Variants in DDHD1 observed in about 807,000 individuals in gnomAD.
The protein encoded by DDHD1 is phospholipase DDHD1.
In DDHD1, 49 loss-of-function variants were observed where a neutral mutation model predicts 96.4. That is an observed-to-expected ratio of 0.51 (90% CI 0.40 to 0.64). The LOEUF is 0.64. DDHD1 is among the 30% of genes least tolerant of loss of function. The pLI, the probability that DDHD1 is intolerant of heterozygous loss-of-function variation, is 0.00. For synonymous variants in DDHD1, 442 were observed against 446.5 expected, an observed-to-expected ratio of 0.99 and a Z score of 0.13; for missense variants, 1,106 against 1,161.2, an observed-to-expected ratio of 0.95 and a Z score of 0.69.
Position 53,098,415 on chromosome 14 carries a change from A to C in DDHD1, c.1013-4971T>G, listed in dbSNP as rs539333549. On this transcript the variant is annotated intron_variant, in intron 2 of 12. Coordinates refer to ENST00000673822, the MANE Select transcript of DDHD1 (RefSeq NM_001160148.2). Reference sequence around the variant, plus strand: ...TCACAAAAGAGGGTTACTGCTGCTGATGACATACTAATTCCTACAACAGAA... The same window carrying C: ...TCACAAAAGAGGGTTACTGCTGCTGCTGACATACTAATTCCTACAACAGAA... 7.9e-5 allele frequency among the ~76,000 whole-genome samples: 12 copies of C among 152,148 alleles called. No individual in the cohort carries two copies. In the East Asian group the frequency reaches 9.6e-4, roughly 12 times the overall value.
chr14:53,090,986 C>T (rs1353182870), intron 4 of DDHD1, among the ~76,000 whole-genome samples: 25 of 152,212 alleles, frequency 1.6e-4, no homozygotes, highest in Admixed American at 1.6e-3. Context: ...AGAGGTGTTG[C>T]TGAGGACATA....
chr14:53,045,394 G>A lies in DDHD1; in HGVS notation c.*1374C>T, dbSNP rs1881938641. On this transcript the variant is annotated 3_prime_UTR_variant, in exon 13 of 13. Transcript: ENST00000673822. ...ACACCACTACAAGTGGCTAATTTTT[G>A]TCAGTTTTTGCAGAGAAGAGGGTCT... 6.6e-6 allele frequency: 1 copy of A among 152,024 alleles called. No homozygotes were observed. The highest frequency in any genetic ancestry group is 1.9e-4 in the East Asian group (1 of 5,172). 9.4% of individuals were successfully genotyped at this position (152,024 alleles called of 1,614,324 possible).
At chr14:53,108,284 G>C (rs965819888) in intron 1 of DDHD1, among the ~76,000 whole-genome samples, 2 of 152,162 alleles carry the variant, frequency 1.3e-5, no homozygotes, top group African/African-American at 4.8e-5. Flanking sequence ...CTAAGTGCCC[G>C]GGTTCATCCT....
intron 1 of DDHD1, among the ~76,000 whole-genome samples, chr14:53,109,467 C>T (rs1298661274): frequency 1.3e-5 from 2 of 152,174 alleles, no homozygotes; most frequent in Non-Finnish European, 1.5e-5. Context: ...TTTGTAGCAG[C>T]AACAGGAACC....
intron 4 of DDHD1, 24 bp downstream of exon 4, chr14:53,091,761 C>G (rs368943274): frequency 3.1e-6 from 5 of 1,608,684 alleles, no homozygotes; most frequent in Non-Finnish European, 4.2e-6. Context: ...ATTAGATATA[C>G]AATGCATTCA....
In DDHD1 at chr14:53,117,622, T is replaced by C. The variant is rs117081084; in HGVS notation, c.839-13766A>G. On this transcript the variant is annotated intron_variant, in intron 1 of 12. Coordinates refer to ENST00000673822, the MANE Select transcript of DDHD1 (RefSeq NM_001160148.2). ...GCATCTGCCATTGCTGGGGCTTAAGTAGCTCACAGTGTAAACAAAGAGGCC... is the reference window on the plus strand; with the variant it reads ...GCATCTGCCATTGCTGGGGCTTAAGCAGCTCACAGTGTAAACAAAGAGGCC... Among the ~76,000 whole-genome samples the C allele has an allele frequency of 8.1e-3, 1,228 of 152,112 alleles. 4 individuals carry two copies. Among genetic ancestry groups the C allele is most frequent in the Non-Finnish European group, 0.011 (729 of 67,910 alleles).
rs541998903 is a variant in DDHD1, at chr14:53,045,870, A to T, written c.*898T>A. 5.8e-4 allele frequency: 89 copies of T among 152,340 alleles called. No individual in the cohort carries two copies. The highest frequency in any genetic ancestry group is 2.0e-3 in the African/African-American group (84 of 41,588). The allele number at this position is 152,340 out of a possible 1,614,324, so 9.4% of individuals were successfully genotyped here. A position where few individuals can be genotyped will look rare whatever the true frequency, so the allele number is the denominator to read the frequency against. ...TGTTTATACATTTAAAATAGCTGTC[A>T]TACTACCTATTCAAAAGCATTTACT... On this transcript the variant is annotated 3_prime_UTR_variant, in exon 13 of 13. Coordinates refer to ENST00000673822, the MANE Select transcript of DDHD1 (RefSeq NM_001160148.2).
chr14:53,051,785 G>T, intron 12 of DDHD1, 59 bp downstream of exon 12: 2 of 1,370,112 alleles, frequency 1.5e-6, no homozygotes, highest in Non-Finnish European at 2.0e-6. Flanking sequence ...ATAAGCAGAA[G>T]AACTCTAAGT....
At chr14:53,092,164 G>A in intron 3 of DDHD1, 15 of 327,128 alleles carry the variant, frequency 4.6e-5, no homozygotes, top group South Asian at 1.4e-4. Flanking sequence ...AAGGAAAGAA[G>A]GACAAACTGA....
chr14:53,153,112 C>T lies in DDHD1; in HGVS notation c.-14G>A. The T allele has an allele frequency of 7.3e-7, 1 of 1,378,806 alleles. No individual in the cohort carries two copies. The highest frequency in any genetic ancestry group is 1.7e-5 in the South Asian group (1 of 59,350). 85.4% of individuals were successfully genotyped at this position (1,378,806 alleles called of 1,614,324 possible). A position where few individuals can be genotyped will look rare whatever the true frequency, so the allele number is the denominator to read the frequency against. ...CGGGTAATTCATGCTGTGGAGACGC[C>T]GCCGGCTGTCCGGCGGCGCGCGGAG... On this transcript the variant is annotated 5_prime_UTR_variant, in exon 1 of 13. Transcript: ENST00000673822.
At position 53,152,902 on chromosome 14, in the gene DDHD1, T is replaced by G; in HGVS notation, c.197A>C (p.His66Pro). Residue 66 changes from histidine to proline, a missense_variant, in exon 1 of 13, where the codon CAT (histidine) becomes CCT (proline). By Grantham distance (77) the His-to-Pro change is moderately conservative. Transcript: ENST00000673822. ...GTGGTCGTCGGTGCCCGGCGCCAAA[T>G]GCAGCCCGGGTTCCCCGCGCAGCAG... is the stretch of plus-strand genomic sequence containing the variant. ...LALLRGEPGL[H>P]LAPGTDDHNH... 1 of 1,608,374 alleles carries G rather than the reference T, an allele frequency of 6.2e-7. No homozygotes were observed. Among genetic ancestry groups the G allele is most frequent in the Non-Finnish European group, 8.5e-7 (1 of 1,177,786 alleles).
chr14:53,041,496 G>A lies in DDHD1; in HGVS notation c.*5272C>T, dbSNP rs1881646710. The A allele has an allele frequency of 1.3e-5, 2 of 152,086 alleles. No homozygotes were observed. The highest frequency in any genetic ancestry group is 4.8e-5 in the African/African-American group (2 of 41,394). 9.4% of individuals were successfully genotyped at this position (152,086 alleles called of 1,614,324 possible). A position where few individuals can be genotyped will look rare whatever the true frequency, so the allele number is the denominator to read the frequency against. ...TTAAATTTCTGAGTTAACCTATGTTGGAACAGTTTTGGAGGTGACCTATTT... is the reference window on the plus strand; with the variant it reads ...TTAAATTTCTGAGTTAACCTATGTTAGAACAGTTTTGGAGGTGACCTATTT... On this transcript the variant is annotated 3_prime_UTR_variant, in exon 13 of 13. Coordinates refer to ENST00000673822, the MANE Select transcript of DDHD1 (RefSeq NM_001160148.2).
At position 53,133,981 on chromosome 14, in the gene DDHD1, C is replaced by T. The variant is rs866609465; in HGVS notation, c.838+18280G>A. Among the ~76,000 whole-genome samples the T allele has an allele frequency of 3.9e-5, 6 of 152,300 alleles. No individual in the cohort carries two copies. The South Asian group carries it at 6.2e-4, about 16-fold the overall frequency. ...CATTCCAGAATAAAGCTGTGTCCAT[C>T]GGACAGCCAGCCTGAAGTCTCAAGT... On this transcript the variant is annotated intron_variant, in intron 1 of 12. Transcript: ENST00000673822.
At chr14:53,126,962 C>T (rs774958500) in intron 1 of DDHD1, among the ~76,000 whole-genome samples, 14 of 151,810 alleles carry the variant, frequency 9.2e-5, no homozygotes, top group Non-Finnish European at 1.3e-4. Context: ...TAAGCTCTAA[C>T]GGGTTGAAAT....
intron 4 of DDHD1, 141 bp downstream of exon 4, chr14:53,091,643 TG>T: frequency 2.5e-6 from 2 of 814,266 alleles, no homozygotes; most frequent in Non-Finnish European, 3.6e-6. Context: ...TCCAGATACT[TG>T]ATCTATGACT....
rs552623638 is a variant in DDHD1, at chr14:53,045,791, T to C, written c.*977A>G. ...GTCTCAATGGCACATTGAGAAACAA[T>C]GTGCACTAGTTAGTGGCATCACATC... On this transcript the variant is annotated 3_prime_UTR_variant, in exon 13 of 13. Coordinates refer to ENST00000673822, the MANE Select transcript of DDHD1 (RefSeq NM_001160148.2). 2 of 152,196 alleles carry C rather than the reference T, an allele frequency of 1.3e-5. No individual in the cohort carries two copies. Among genetic ancestry groups the C allele is most frequent in the Non-Finnish European group, 2.9e-5 (2 of 68,040 alleles). The allele number at this position is 152,196 out of a possible 1,614,324, so 9.4% of individuals were successfully genotyped here.
In DDHD1 at chr14:53,044,027, C is replaced by T. The variant is rs1238166345; in HGVS notation, c.*2741G>A. 1 of 152,044 alleles carries T rather than the reference C, an allele frequency of 6.6e-6. No homozygotes were observed. The highest frequency in any genetic ancestry group is 1.5e-5 in the Non-Finnish European group (1 of 68,006). 9.4% of individuals were successfully genotyped at this position (152,044 alleles called of 1,614,324 possible). On this transcript the variant is annotated 3_prime_UTR_variant, in exon 13 of 13. Transcript: ENST00000673822. ...CTTTTTTTGGCCGATTTAGTACTTGCTGGAATAAAGTTGCAAAATGTTACT... is the reference window on the plus strand; with the variant it reads ...CTTTTTTTGGCCGATTTAGTACTTGTTGGAATAAAGTTGCAAAATGTTACT...
chr14:53,070,111 T>C (rs1884388023), intron 6 of DDHD1, among the ~76,000 whole-genome samples: 1 of 152,158 alleles, frequency 6.6e-6, no homozygotes, highest in South Asian at 2.1e-4. Flanking sequence ...CCACCAACCA[T>C]ATATATGCAC....
chr14:53,150,693 AG>A lies in DDHD1; in HGVS notation c.838+1567del, dbSNP rs540826580. Among the ~76,000 whole-genome samples the A allele has an allele frequency of 2.6e-3, 399 of 152,326 alleles. 2 individuals carry two copies. Among genetic ancestry groups the A allele is most frequent in the African/African-American group, 8.2e-3 (339 of 41,556 alleles). ...ACTAAGTCTTGGTACTTCTATCTTC[AG>A]GAAAAAAAATCTATGATTATGTTTA... On this transcript the variant is annotated intron_variant, in intron 1 of 12. Coordinates refer to ENST00000673822, the MANE Select transcript of DDHD1 (RefSeq NM_001160148.2).
Sources: gnomAD v4.1 joint callset for allele counts (sites outside exome capture counted in the v4.1 genomes callset) on GRCh38, gnomAD v4.1.1 for gene constraint, MANE v1.5 for transcripts, NCBI Gene and HGNC (gene_info 2026-07-23, HGNC 2026-07-21) for gene names.